Variants in NFATC2 observed in about 807,000 individuals in gnomAD.
NFATC2 encodes nuclear factor of activated T-cells, cytoplasmic 2.
A neutral mutation model predicts 87.3 loss-of-function variants in NFATC2; 22 were observed. The ratio of observed to expected loss-of-function variants is 0.25; its 90% CI spans 0.18 to 0.36. NFATC2 has a LOEUF of 0.36. NFATC2 is among the 10% of genes least tolerant of loss of function. The probability of loss-of-function intolerance (pLI) is 1.00; values close to 1 mark genes in which losing one functional copy is unlikely to be tolerated. For missense variants in NFATC2, 1,149 were observed against 1,259.1 expected (o/e 0.91, Z 1.32); for synonymous variants, 565 against 542.2 (o/e 1.04, Z -0.58).
Position 51,391,068 on chromosome 20 carries a change from C to T in NFATC2, c.*428G>A, listed in dbSNP as rs74872447. On this transcript the variant is annotated 3_prime_UTR_variant, in exon 11 of 11. Transcript: ENST00000371564. ...GTCCCCCGTCCATCCCCCCAAGCTC[C>T]AGTCACTCTGTTCTCAGGAGAGTTC... 7.6e-3 allele frequency: 3,494 copies of T among 460,114 alleles called. 100 individuals carry two copies. Among genetic ancestry groups the T allele is most frequent in the African/African-American group, 0.062 (3,123 of 50,666 alleles). 28.5% of individuals were successfully genotyped at this position (460,114 alleles called of 1,614,324 possible).
chr20:51,554,474 C>T (rs965858066), intron 1 of NFATC2, among the ~76,000 whole-genome samples: 3 of 152,134 alleles, frequency 2.0e-5, no homozygotes, highest in Non-Finnish European at 2.9e-5. Flanking sequence ...GGATTTGTCC[C>T]TACAGGAACT....
chr20:51,430,253 A>G (rs761375), intron 9 of NFATC2, among the ~76,000 whole-genome samples: 79,596 of 151,902 alleles, frequency 0.52, 22,882 homozygotes, highest in South Asian at 0.64. Context: ...TTTATTTATA[A>G]AGCACCTCTT....
chr20:51,505,444 T>C (rs1207823550), intron 3 of NFATC2, among the ~76,000 whole-genome samples: 2 of 112,896 alleles, frequency 1.8e-5, no homozygotes, highest in Admixed American at 1.0e-4. Context: ...ATTGTATATA[T>C]ATGTGTAGGT....
chr20:51,459,340 G>A (rs1600783146), intron 5 of NFATC2, among the ~76,000 whole-genome samples: 1 of 152,108 alleles, frequency 6.6e-6, no homozygotes, highest in Non-Finnish European at 1.5e-5. Flanking sequence ...TATATCAATC[G>A]GCCAGAACAG....
chr20:51,477,993 A>C (rs1480021643), intron 3 of NFATC2, among the ~76,000 whole-genome samples: 6 of 152,202 alleles, frequency 3.9e-5, no homozygotes, highest in Non-Finnish European at 8.8e-5. Flanking sequence ...CAGACACAGA[A>C]TGTTTCCATC....
chr20:51,492,383 G>A (rs981141328), intron 3 of NFATC2, among the ~76,000 whole-genome samples: 2 of 152,160 alleles, frequency 1.3e-5, no homozygotes, highest in African/African-American at 2.4e-5. Flanking sequence ...GCGTGAGTGC[G>A]GCATGACATG....
chr20:51,562,456 A>G lies in NFATC2; in HGVS notation c.70+104T>C. ...CGAGCGGGGTCCCCAGGCCTCCCGC[A>G]CCGACCTCTGCCGGGAGCTGAAAGT... On this transcript the variant is annotated intron_variant, in intron 1 of 10. Transcript: ENST00000414705. The surrounding 1 kb of genome is among the most constrained non-coding windows in gnomAD (Gnocchi z 5.8). 1.8e-6 allele frequency: 2 copies of G among 1,087,488 alleles called. No individual in the cohort carries two copies. Among genetic ancestry groups the G allele is most frequent in the Middle Eastern group, 2.6e-4 (1 of 3,906 alleles). The allele number at this position is 1,087,488 out of a possible 1,614,324, so 67.4% of individuals were successfully genotyped here.
intron 5 of NFATC2, among the ~76,000 whole-genome samples, chr20:51,455,864 ATAGATGGG>A (rs1569001104): frequency 9.9e-5 from 1 of 10,070 alleles, no homozygotes; most frequent in African/African-American, 4.8e-4. Flanking sequence ...GGGTGGGTAG[ATAGATGGG>A]TGGATGGATG....
chr20:51,436,948 A>G (rs976168554), intron 6 of NFATC2, among the ~76,000 whole-genome samples: 3 of 152,054 alleles, frequency 2.0e-5, no homozygotes, highest in Non-Finnish European at 4.4e-5. Context: ...CTGGCTCACA[A>G]GTCACTGAAG....
rs759614256 is a variant in NFATC2, at chr20:51,562,178, T to C, written c.70+382A>G. Among the ~76,000 whole-genome samples, 34 of 152,180 alleles carry C rather than the reference T, an allele frequency of 2.2e-4. 1 individual carries two copies. Among genetic ancestry groups the C allele is most frequent in the Admixed American group, 1.4e-3 (22 of 15,290 alleles). ...AAAGAAAAAAAAGTAATAATAATAATACTGCAGCGTTATGGCATTTGCTGT... is the reference window on the plus strand; with the variant it reads ...AAAGAAAAAAAAGTAATAATAATAACACTGCAGCGTTATGGCATTTGCTGT... On this transcript the variant is annotated intron_variant, in intron 1 of 10. Coordinates refer to the NFATC2 transcript ENST00000414705. The surrounding 1 kb of genome is among the most constrained non-coding windows in gnomAD (Gnocchi z 5.8).
At chr20:51,562,837 C>T, upstream of NFATC2, 1 of 517,306 alleles carries the variant, frequency 1.9e-6, no homozygotes, top group Non-Finnish European at 3.4e-6. This position sits in a 1 kb window ranked among gnomAD's most constrained non-coding sequence, Gnocchi z 5.8. Context: ...CCAGAGGCAA[C>T]GCGACTTCCT....
At chr20:51,536,895 C>A (rs922607446) in intron 1 of NFATC2, among the ~76,000 whole-genome samples, 17 of 111,108 alleles carry the variant, frequency 1.5e-4, no homozygotes, top group Admixed American at 1.5e-3. Flanking sequence ...TTAGCAAGCA[C>A]CAAACACACA....
At chr20:51,521,896 G>C (rs151190722) in intron 2 of NFATC2, among the ~76,000 whole-genome samples, 41 of 152,252 alleles carry the variant, frequency 2.7e-4, no homozygotes, top group African/African-American at 9.6e-4. Flanking sequence ...CATGGGTTCT[G>C]TGTCCTCAGA....
chr20:51,416,553 G>A (rs1371119915), intron 9 of NFATC2, among the ~76,000 whole-genome samples: 1 of 152,170 alleles, frequency 6.6e-6, no homozygotes, highest in Non-Finnish European at 1.5e-5. Flanking sequence ...CCAAAAACTG[G>A]TGAGAAGATA....
In NFATC2 at chr20:51,562,554, A is replaced by C; in HGVS notation, c.70+6T>G. The C allele has an allele frequency of 1.3e-6, 2 of 1,549,998 alleles. No homozygotes were observed. Among genetic ancestry groups the C allele is most frequent in the Non-Finnish European group, 8.7e-7 (1 of 1,145,690 alleles). On this transcript the variant is annotated splice_donor_region_variant and intron_variant, in intron 1 of 10. Coordinates refer to the NFATC2 transcript ENST00000414705. The surrounding 1 kb of genome is among the most constrained non-coding windows in gnomAD (Gnocchi z 5.8). ...AAAAGGCTGGAAGGGATCGAGAGTC[A>C]GTTACCTTGGTCCACAGACCCCATG... is the stretch of plus-strand genomic sequence containing the variant.
At chr20:51,398,372 T>C (rs1987534646) in intron 10 of NFATC2, among the ~76,000 whole-genome samples, 1 of 152,112 alleles carries the variant, frequency 6.6e-6, no homozygotes, top group Non-Finnish European at 1.5e-5. Context: ...CGTTGCTGCA[T>C]TTTTCCACGC....
chr20:51,481,279 T>C (rs1989231323), intron 3 of NFATC2, among the ~76,000 whole-genome samples: 2 of 152,100 alleles, frequency 1.3e-5, no homozygotes. Flanking sequence ...TGATCTACCC[T>C]TCAGGTTCCA....
At chr20:51,427,999 C>G (rs1215870382) in intron 9 of NFATC2, among the ~76,000 whole-genome samples, 1 of 152,146 alleles carries the variant, frequency 6.6e-6, no homozygotes, top group Admixed American at 6.5e-5. Context: ...AGTCCCAGAA[C>G]AGTGTCCAGC....
intron 3 of NFATC2, among the ~76,000 whole-genome samples, chr20:51,477,535 C>G (rs536813822): frequency 0.087 from 6,240 of 71,942 alleles, 249 homozygotes; most frequent in Middle Eastern, 0.15. Context: ...GTGTGTGTGT[C>G]TATATATATA....
Sources: allele counts gnomAD v4.1 joint callset (sites outside exome capture counted in the v4.1 genomes callset), GRCh38; gene constraint gnomAD v4.1.1; non-coding constraint Gnocchi (gnomAD v3.1); transcripts MANE v1.5; gene names NCBI Gene and HGNC (gene_info 2026-07-23, HGNC 2026-07-21).